Variants in FGF2 observed in about 807,000 individuals in gnomAD.
The protein encoded by FGF2 is basic fibroblast growth factor bFGF.
In FGF2, 13 loss-of-function variants were observed where a neutral mutation model predicts 15.9. That is an observed-to-expected ratio of 0.82 (90% CI 0.53 to 1.30). The LOEUF (loss-of-function observed/expected upper bound fraction) is 1.30, where lower values mean the gene tolerates loss of function less well. Ranked by LOEUF, FGF2 falls within the 50% of genes most tolerant of loss-of-function variation. The pLI, the probability that FGF2 is intolerant of heterozygous loss-of-function variation, is 0.00. For synonymous variants in FGF2, 90 were observed against 78.4 expected, an observed-to-expected ratio of 1.15 and a Z score of -0.78; for missense variants, 163 against 196.9, an observed-to-expected ratio of 0.83 and a Z score of 1.03.
Position 122,897,237 on chromosome 4 carries a change from C to G in FGF2, c.*4841C>G, listed in dbSNP as rs1171045571. The G allele has an allele frequency of 3.0e-5, 5 of 168,286 alleles. No individual in the cohort carries two copies. Among genetic ancestry groups the G allele is most frequent in the Non-Finnish European group, 6.3e-5 (5 of 78,842 alleles). The allele number at this position is 168,286 out of a possible 1,614,324, so 10.4% of individuals were successfully genotyped here. ...AGTTCATTTAAAGGCTACTATTCAT[C>G]CTCTGTGATGGAATGGTCAGGAATT... On this transcript the variant is annotated 3_prime_UTR_variant, in exon 3 of 3. Coordinates refer to ENST00000644866, the MANE Select transcript of FGF2 (RefSeq NM_001361665.2).
chr4:122,858,070 G>C (rs928594670), intron 1 of FGF2, among the ~76,000 whole-genome samples: 1 of 151,922 alleles, frequency 6.6e-6, no homozygotes, highest in Non-Finnish European at 1.5e-5. Context: ...TTCATATTAT[G>C]CCCAATTTTA....
intron 1 of FGF2, among the ~76,000 whole-genome samples, chr4:122,831,116 A>G (rs1560734403): frequency 6.6e-6 from 1 of 152,232 alleles, no homozygotes; most frequent in Non-Finnish European, 1.5e-5. Context: ...CTCTTTTTAC[A>G]GAAGAGGATA....
rs375542320 is a variant in FGF2 at position 122,892,995 on chromosome 4, G to C, written c.*599G>C. On this transcript the variant is annotated 3_prime_UTR_variant, in exon 3 of 3. Transcript: ENST00000644866. Reference sequence around the variant, plus strand: ...AGCCTAGCAACTCTGCTGGTGATGGGAGTTGTATTTTCAGTCTTCGCCAGG... The same window carrying C: ...AGCCTAGCAACTCTGCTGGTGATGGCAGTTGTATTTTCAGTCTTCGCCAGG... The C allele has an allele frequency of 3.7e-6, 6 of 1,614,006 alleles. No homozygotes were observed. The highest frequency in any genetic ancestry group is 2.7e-5 in the African/African-American group (2 of 74,902).
In FGF2 at chr4:122,891,194, A is replaced by C. The variant is rs908600911; in HGVS notation, c.283-1017A>C. Among the ~76,000 whole-genome samples the C allele has an allele frequency of 1.9e-4, 28 of 150,950 alleles. No homozygotes were observed. In the East Asian group the frequency reaches 4.7e-3, roughly 25 times the overall value. On this transcript the variant is annotated intron_variant, in intron 2 of 2. Coordinates refer to ENST00000644866, the MANE Select transcript of FGF2 (RefSeq NM_001361665.2). ...TAGCTGGGACTACAGGCGCCCGCCA[A>C]CACGCCCGGCTAATTTTTTGTATTT...
chr4:122,829,741 C>CT (rs1725721269), intron 1 of FGF2, among the ~76,000 whole-genome samples: 1 of 152,082 alleles, frequency 6.6e-6, no homozygotes, highest in African/African-American at 2.4e-5. Flanking sequence ...AGAGACTACT[C>CT]TTTTTTTAAA....
chr4:122,868,214 C>T (rs308377), intron 1 of FGF2, among the ~76,000 whole-genome samples: 7,194 of 152,096 alleles, frequency 0.047, 323 homozygotes, highest in South Asian at 0.14. Context: ...CATAGGTATA[C>T]GTGTGCCATG....
intron 2 of FGF2, among the ~76,000 whole-genome samples, chr4:122,889,467 A>G (rs72674922): frequency 0.022 from 3,302 of 152,258 alleles, 62 homozygotes; most frequent in Non-Finnish European, 0.036. Context: ...TAATAGGCAC[A>G]CTGAGATCAC....
intron 2 of FGF2, among the ~76,000 whole-genome samples, chr4:122,881,345 T>G (rs1275906440): frequency 6.6e-6 from 1 of 152,224 alleles, no homozygotes; most frequent in East Asian, 1.9e-4. Context: ...TTCTTTTCTA[T>G]TCCATGGTCA....
chr4:122,845,912 T>G (rs1263582221), intron 1 of FGF2, among the ~76,000 whole-genome samples: 1 of 152,260 alleles, frequency 6.6e-6, no homozygotes, highest in African/African-American at 2.4e-5. Flanking sequence ...CGTGGCTGTT[T>G]GTGGCAAGAG....
Position 122,893,224 on chromosome 4 carries a change from T to TC in FGF2, c.*830dup. ...CAAAAACTTCTCGAACCGCTGTGTCTCCTACGTAAAAAAAGAGATGTACAA... is the reference window on the plus strand; with the variant it reads ...CAAAAACTTCTCGAACCGCTGTGTCTCCCTACGTAAAAAAAGAGATGTACAA... On this transcript the variant is annotated 3_prime_UTR_variant, in exon 3 of 3. Coordinates refer to ENST00000644866, the MANE Select transcript of FGF2 (RefSeq NM_001361665.2). The TC allele has an allele frequency of 6.3e-7, 1 of 1,589,468 alleles. No individual in the cohort carries two copies. Among genetic ancestry groups the TC allele is most frequent in the Non-Finnish European group, 8.6e-7 (1 of 1,167,866 alleles).
chr4:122,839,949 T>G (rs1281034730), intron 1 of FGF2, among the ~76,000 whole-genome samples: 1 of 152,210 alleles, frequency 6.6e-6, no homozygotes, highest in Non-Finnish European at 1.5e-5. Context: ...CTCCTTGGCT[T>G]GTCGATGGCC....
chr4:122,861,664 T>C (rs559461321), intron 1 of FGF2, among the ~76,000 whole-genome samples: 1 of 152,234 alleles, frequency 6.6e-6, no homozygotes, highest in East Asian at 1.9e-4. Flanking sequence ...TCTCATTCTT[T>C]CATGCTATTA....
At chr4:122,873,481 T>G (rs1218210972) in intron 1 of FGF2, among the ~76,000 whole-genome samples, 1 of 152,256 alleles carries the variant, frequency 6.6e-6, no homozygotes, top group African/African-American at 2.4e-5. Context: ...CTCTTCAGAA[T>G]TCTAATTCCT....
intron 1 of FGF2, 59 bp from the exon 2 acceptor site, chr4:122,876,262 T>C: frequency 1.0e-6 from 1 of 997,814 alleles, no homozygotes; most frequent in South Asian, 1.3e-5. Context: ...TGCGTAAATA[T>C]TGTGAAGAAG....
At chr4:122,844,606 CCTTCCTTCCTTT>C (rs1726069644) in intron 1 of FGF2, among the ~76,000 whole-genome samples, 1 of 128,570 alleles carries the variant, frequency 7.8e-6, no homozygotes, top group Non-Finnish European at 1.8e-5. Flanking sequence ...TTCCTTCCTT[CCTTCCTTCCTTT>C]CTTTCTTCCT....
At chr4:122,872,112 C>T (rs866550077) in intron 1 of FGF2, among the ~76,000 whole-genome samples, 8 of 151,674 alleles carry the variant, frequency 5.3e-5, no homozygotes, top group African/African-American at 9.7e-5. Context: ...AATGCAAAGA[C>T]GCTAAGAACC....
At position 122,897,405 on chromosome 4, in the gene FGF2, G is replaced by T; in HGVS notation, c.*5009G>T. 1.8e-6 allele frequency: 1 copy of T among 548,622 alleles called. No homozygotes were observed. The highest frequency in any genetic ancestry group is 3.3e-6 in the Non-Finnish European group (1 of 306,560). 34.0% of individuals were successfully genotyped at this position (548,622 alleles called of 1,614,324 possible). On this transcript the variant is annotated 3_prime_UTR_variant, in exon 3 of 3. Coordinates refer to ENST00000644866, the MANE Select transcript of FGF2 (RefSeq NM_001361665.2). Reference sequence around the variant, plus strand: ...GCAGTCATAAACAGAAGAATAGGTGGTATGTTCCTAATGATATTATTTCTA... The same window carrying T: ...GCAGTCATAAACAGAAGAATAGGTGTTATGTTCCTAATGATATTATTTCTA...
intron 1 of FGF2, among the ~76,000 whole-genome samples, chr4:122,872,856 A>T (rs2150782424): frequency 6.6e-6 from 1 of 152,308 alleles, no homozygotes; most frequent in East Asian, 1.9e-4. Context: ...GGCCTGCCTT[A>T]CCGGAGCTCC....
At chr4:122,828,768 A>C (rs1725701796) in intron 1 of FGF2, among the ~76,000 whole-genome samples, 1 of 152,214 alleles carries the variant, frequency 6.6e-6, no homozygotes, top group South Asian at 2.1e-4. Flanking sequence ...TAATCCCGTA[A>C]AACTGAAAAG....
Sources: gnomAD v4.1 joint callset for allele counts (sites outside exome capture counted in the v4.1 genomes callset) on GRCh38, gnomAD v4.1.1 for gene constraint, MANE v1.5 for transcripts, NCBI Gene and HGNC (gene_info 2026-07-23, HGNC 2026-07-21) for gene names.